The following EVA1C variants were observed in gnomAD, a reference collection of about 807,000 sequenced individuals.
EVA1C encodes the protein eva-1 homolog C, also known as protein eva-1 homolog C.
In EVA1C, 25 loss-of-function variants were observed where a neutral mutation model predicts 45.4. The ratio of observed to expected loss-of-function variants is 0.55; its 90% CI spans 0.40 to 0.77. The LOEUF is 0.77. Ranked by LOEUF, EVA1C falls within the 30% of genes least tolerant of loss-of-function variation. The probability of loss-of-function intolerance (pLI) is 0.00; values close to 1 mark genes in which losing one functional copy is unlikely to be tolerated. For missense variants in EVA1C, 479 were observed against 554.8 expected, an observed-to-expected ratio of 0.86 and a Z score of 1.37; for synonymous variants, 190 against 221.2, an observed-to-expected ratio of 0.86 and a Z score of 1.25.
At chr21:32,488,515 T>G (rs2037046854) in intron 4 of EVA1C, among the ~76,000 whole-genome samples, 1 of 152,182 alleles carries the variant, frequency 6.6e-6, no homozygotes, top group Non-Finnish European at 1.5e-5. Flanking sequence ...TGAGATGGTA[T>G]CTTGTTGTGG....
chr21:32,426,172 G>T (rs1019544397), intron 1 of EVA1C, among the ~76,000 whole-genome samples: 13 of 152,046 alleles, frequency 8.6e-5, no homozygotes, highest in African/African-American at 2.9e-4. Flanking sequence ...TTTCCTCCAA[G>T]GACCTTGTCT....
At chr21:32,484,486 G>A (rs1402073456) in intron 4 of EVA1C, among the ~76,000 whole-genome samples, 1 of 151,762 alleles carries the variant, frequency 6.6e-6, no homozygotes, top group Non-Finnish European at 1.5e-5. Flanking sequence ...GGAGGTTGCA[G>A]TGAGCCGAGA....
chr21:32,414,193 T>TA (rs2033945344), intron 1 of EVA1C, among the ~76,000 whole-genome samples: 1 of 152,180 alleles, frequency 6.6e-6, no homozygotes, highest in Non-Finnish European at 1.5e-5. Flanking sequence ...GAAGCCAAGA[T>TA]AAGGCCTATT....
chr21:32,492,896 G>A lies in EVA1C; in HGVS notation c.635-2131G>A, dbSNP rs570930937. On this transcript the variant is annotated intron_variant, in intron 4 of 7. Coordinates refer to ENST00000300255, the MANE Select transcript of EVA1C (RefSeq NM_058187.5). The stretch of plus-strand genomic sequence containing the variant: ...GTGGGGCTCAGAGATCAACCTGCAG[G>A]CCCCGCTCTTCTCTAGCTGTGTGAG... Among the ~76,000 whole-genome samples the A allele has an allele frequency of 5.9e-5, 9 of 152,002 alleles. No homozygotes were observed. The East Asian group carries it at 1.7e-3, about 29-fold the overall frequency.
chr21:32,468,654 C>T (rs748995608), intron 4 of EVA1C, among the ~76,000 whole-genome samples: 2 of 152,006 alleles, frequency 1.3e-5, no homozygotes, highest in East Asian at 3.9e-4. Context: ...GCATCCAGCA[C>T]GGGAGAAAGA....
At chr21:32,427,980 T>C (rs1168570877) in intron 1 of EVA1C, among the ~76,000 whole-genome samples, 1 of 152,146 alleles carries the variant, frequency 6.6e-6, no homozygotes, top group East Asian at 1.9e-4. Flanking sequence ...CATGTATACT[T>C]TATGTAGAGT....
At chr21:32,495,281 C>T (rs2037313355) in intron 5 of EVA1C, 111 bp downstream of exon 5, 1 of 1,125,288 alleles carries the variant, frequency 8.9e-7, no homozygotes, top group Admixed American at 2.6e-5. Context: ...ACTGCTCCTC[C>T]TGAAGCTGTT....
intron 1 of EVA1C, among the ~76,000 whole-genome samples, chr21:32,430,008 T>C (rs369270711): frequency 6.6e-6 from 1 of 152,172 alleles, no homozygotes; most frequent in Admixed American, 6.5e-5. Context: ...CCAGTAGCCA[T>C]GTGTGGCCTG....
At chr21:32,434,819 CT>C (rs2034872405) in intron 1 of EVA1C, among the ~76,000 whole-genome samples, 1 of 152,278 alleles carries the variant, frequency 6.6e-6, no homozygotes, top group African/African-American at 2.4e-5. Context: ...TCATCTCAGC[CT>C]TCTGGCCTGC....
chr21:32,438,486 CAAAAA>C (rs35688820), intron 1 of EVA1C, among the ~76,000 whole-genome samples: 9 of 57,276 alleles, frequency 1.6e-4, no homozygotes, highest in South Asian at 8.9e-4. Context: ...GACTCTGTCT[CAAAAA>C]AAAAAAAAAA....
chr21:32,488,765 T>A (rs895796440), intron 4 of EVA1C, among the ~76,000 whole-genome samples: 2 of 152,164 alleles, frequency 1.3e-5, no homozygotes, highest in Admixed American at 6.5e-5. Flanking sequence ...TTTGTGTTTT[T>A]AGTAGAGACA....
chr21:32,497,152 A>G (rs2037379227), intron 5 of EVA1C: 3 of 803,780 alleles, frequency 3.7e-6, no homozygotes, highest in Non-Finnish European at 6.7e-6. Context: ...AGGAAGTGGG[A>G]AAACTCTATC....
intron 5 of EVA1C, among the ~76,000 whole-genome samples, chr21:32,497,769 C>T (rs774320320): frequency 3.3e-5 from 5 of 152,054 alleles, no homozygotes; most frequent in Non-Finnish European, 4.4e-5. Context: ...ACAGTCATGG[C>T]GGAAGGCAAG....
At position 32,412,869 on chromosome 21, in the gene EVA1C, C is replaced by A; in HGVS notation, c.16C>A (p.Arg6Ser). Residue 6 changes from arginine (R) to serine (S), a missense_variant, in exon 1 of 8, where the codon CGC becomes AGC. Physicochemically the swap from Arg to Ser is moderately radical, Grantham distance 110 (BLOSUM62 -1). Coordinates refer to ENST00000300255, the MANE Select transcript of EVA1C (RefSeq NM_058187.5). MLLPG[R>S]ARQPPTPQPV... ...GCAGCGCACGATGCTTCTGCCGGGA[C>A]GCGCACGCCAACCGCCGACGCCCCA... 3.3e-6 allele frequency: 5 copies of A among 1,494,982 alleles called. No individual in the cohort carries two copies. The highest frequency in any genetic ancestry group is 4.4e-6 in the Non-Finnish European group (5 of 1,128,186). 92.6% of individuals were successfully genotyped at this position (1,494,982 alleles called of 1,614,324 possible). A position where few individuals can be genotyped will look rare whatever the true frequency, so the allele number is the denominator to read the frequency against.
intron 1 of EVA1C, among the ~76,000 whole-genome samples, chr21:32,414,973 G>A (rs1210057899): frequency 6.6e-6 from 1 of 152,182 alleles, no homozygotes; most frequent in African/African-American, 2.4e-5. Context: ...GGAAATATTA[G>A]AAAAATCTCA....
intron 1 of EVA1C, among the ~76,000 whole-genome samples, chr21:32,421,144 C>T (rs1024479677): frequency 1.1e-5 from 1 of 91,294 alleles, no homozygotes; most frequent in Non-Finnish European, 2.2e-5. Context: ...TAAGAAAAAT[C>T]TTTTAATGTA....
intron 4 of EVA1C, among the ~76,000 whole-genome samples, chr21:32,481,122 G>C (rs192451286): frequency 3.9e-5 from 6 of 152,088 alleles, no homozygotes; most frequent in Admixed American, 3.3e-4. Flanking sequence ...CCCCAGTTTT[G>C]GGCCTCTCTG....
chr21:32,425,480 G>T (rs931217552), intron 1 of EVA1C, among the ~76,000 whole-genome samples: 2 of 152,032 alleles, frequency 1.3e-5, no homozygotes, highest in Non-Finnish European at 2.9e-5. Flanking sequence ...CACTGTGCCT[G>T]GCCCAGGATT....
chr21:32,431,318 A>G (rs2034694840), intron 1 of EVA1C, among the ~76,000 whole-genome samples: 1 of 152,228 alleles, frequency 6.6e-6, no homozygotes, highest in Non-Finnish European at 1.5e-5. Flanking sequence ...TCCTGTTTTG[A>G]GTCACCATGC....
Sources: gnomAD v4.1 joint callset for allele counts (sites outside exome capture counted in the v4.1 genomes callset) on GRCh38, gnomAD v4.1.1 for gene constraint, MANE v1.5 for transcripts, NCBI Gene and HGNC (gene_info 2026-07-23, HGNC 2026-07-21) for gene names.